The following PRKCH variants were observed in gnomAD, a reference collection of about 807,000 sequenced individuals.
The protein encoded by PRKCH is protein kinase C eta, also known as protein kinase C eta type.
In PRKCH, 28 loss-of-function variants were observed where a neutral mutation model predicts 82.5. The ratio of observed to expected loss-of-function variants is 0.34; its 90% CI spans 0.25 to 0.47. The LOEUF (loss-of-function observed/expected upper bound fraction) is 0.47, where lower values mean the gene tolerates loss of function less well. Among genes scored for constraint, PRKCH ranks in the 20% least tolerant of loss-of-function variants. The pLI, the probability that PRKCH is intolerant of heterozygous loss-of-function variation, is 1.00. For synonymous variants in PRKCH, 322 were observed against 327.4 expected, an observed-to-expected ratio of 0.98 and a Z score of 0.18; for missense variants, 705 against 881.8, an observed-to-expected ratio of 0.80 and a Z score of 2.54.
In PRKCH at chr14:61,228,091, C is replaced by A. The variant is rs183785240; in HGVS notation, c.-19+40423C>A. 2.4e-3 allele frequency among the ~76,000 whole-genome samples: 361 copies of A among 152,252 alleles called. 1 individual carries two copies. The highest frequency in any genetic ancestry group is 8.3e-3 in the African/African-American group (345 of 41,532). On this transcript the variant is annotated intron_variant, in intron 1 of 3. Coordinates refer to the PRKCH transcript ENST00000555185. ...AGGAGGACTCTTGCATTTTCTGAGTCATGGGTCAAATGTTGTCAAGTTTTT... is the reference window on the plus strand; with the variant it reads ...AGGAGGACTCTTGCATTTTCTGAGTAATGGGTCAAATGTTGTCAAGTTTTT...
chr14:61,549,752 T>C lies in PRKCH; in HGVS notation c.1973T>C (p.Ile658Thr), dbSNP rs750314061. 6.2e-7 allele frequency: 1 copy of C among 1,614,008 alleles called. No homozygotes were observed. The highest frequency in any genetic ancestry group is 8.5e-7 in the Non-Finnish European group (1 of 1,179,976). ...FIKEEPVLTPIDEGHLPMINQ... is the reference protein window; with the variant it reads ...FIKEEPVLTPTDEGHLPMINQ... The stretch of plus-strand genomic sequence containing the variant: ...AAGGAAGAGCCAGTTTTAACTCCAA[T>C]TGATGAGGGACATCTTCCAATGATT... The change falls in exon 14 of 14, where the codon ATT becomes ACT. Residue 658 changes from isoleucine (I) to threonine (T), a missense_variant. Transcript: ENST00000332981.
chr14:61,496,807 A>G (rs1886686368), intron 10 of PRKCH, among the ~76,000 whole-genome samples: 1 of 152,180 alleles, frequency 6.6e-6, no homozygotes, highest in South Asian at 2.1e-4. Flanking sequence ...GGCTGAGAAT[A>G]TATTATGATT....
intron 9 of PRKCH, 21 bp downstream of exon 9, chr14:61,457,700 C>G (rs750326104): frequency 6.2e-6 from 10 of 1,611,374 alleles, no homozygotes; most frequent in Non-Finnish European, 7.6e-6. Context: ...ATCACATTCA[C>G]TGCACCAACA....
At position 61,370,865 on chromosome 14, in the gene PRKCH, A is replaced by G. The variant is rs1057371711; in HGVS notation, c.364-20360A>G. 2.6e-5 allele frequency among the ~76,000 whole-genome samples: 4 copies of G among 152,064 alleles called. No homozygotes were observed. The South Asian group carries it at 6.2e-4, about 24-fold the overall frequency. ...TGGGTCTTCTCCAGGGGTGTGGATA[A>G]CACCAAACACTGCAGTATGGAAACT... is the stretch of plus-strand genomic sequence containing the variant. On this transcript the variant is annotated intron_variant, in intron 1 of 13. Transcript: ENST00000332981.
intron 1 of PRKCH, among the ~76,000 whole-genome samples, chr14:61,208,106 G>A (rs1222215352): frequency 3.3e-5 from 5 of 152,006 alleles, no homozygotes; most frequent in Admixed American, 3.3e-4. Flanking sequence ...TCTTTGAAAT[G>A]TTACCTGGAG....
intron 2 of PRKCH, among the ~76,000 whole-genome samples, chr14:61,394,903 T>A (rs2046749974): frequency 6.6e-6 from 1 of 152,188 alleles, no homozygotes; most frequent in Admixed American, 6.5e-5. Context: ...AGAAGCCCAG[T>A]GGTCCCTGTC....
chr14:61,280,624 GAGA>G lies in PRKCH; in HGVS notation c.-19+92959_-19+92961del, dbSNP rs2045250932. On this transcript the variant is annotated intron_variant, in intron 1 of 3. Transcript: ENST00000555185. The surrounding 1 kb of genome is among the most constrained non-coding windows in gnomAD (Gnocchi z 5.0). ...GCCGGGCTGGCGCTGGTGCCAAAGC[GAGA>G]AGGAGTCGTTGAAGAGGCTGTTGGC... 1.9e-6 allele frequency: 3 copies of G among 1,578,816 alleles called. No individual in the cohort carries two copies. Among genetic ancestry groups the G allele is most frequent in the African/African-American group, 2.7e-5 (2 of 74,202 alleles).
At chr14:61,499,511 G>T (rs1312959958) in intron 10 of PRKCH, among the ~76,000 whole-genome samples, 1 of 152,056 alleles carries the variant, frequency 6.6e-6, no homozygotes, top group Non-Finnish European at 1.5e-5. Context: ...CTCACATCTT[G>T]CTCCTCCCTT....
intron 1 of PRKCH, among the ~76,000 whole-genome samples, chr14:61,345,605 A>G (rs2045981909): frequency 6.6e-6 from 1 of 152,202 alleles, no homozygotes; most frequent in Non-Finnish European, 1.5e-5. Context: ...ATAATAGGAG[A>G]TACACAATAA....
chr14:61,498,609 G>A (rs1424524738), intron 10 of PRKCH, among the ~76,000 whole-genome samples: 2 of 152,220 alleles, frequency 1.3e-5, no homozygotes, highest in African/African-American at 4.8e-5. Context: ...GGCCAATTTG[G>A]TTCCTCATGA....
intron 1 of PRKCH, among the ~76,000 whole-genome samples, chr14:61,333,398 G>T (rs566792168): frequency 6.6e-6 from 1 of 152,118 alleles, no homozygotes; most frequent in Admixed American, 6.5e-5. Context: ...CAGTTGAAAG[G>T]GTTCAAAAAT....
intron 1 of PRKCH, among the ~76,000 whole-genome samples, chr14:61,229,180 A>C (rs2044720829): frequency 6.6e-6 from 1 of 152,206 alleles, no homozygotes; most frequent in African/African-American, 2.4e-5. Context: ...GGATGTGTTA[A>C]ATAGAATACA....
chr14:61,351,734 C>T (rs954271351), intron 1 of PRKCH, among the ~76,000 whole-genome samples: 3 of 152,116 alleles, frequency 2.0e-5, no homozygotes, highest in African/African-American at 7.2e-5. Context: ...CAAGATTAGT[C>T]AGGATAGTGA....
chr14:61,470,633 A>C (rs1266042433), intron 9 of PRKCH, among the ~76,000 whole-genome samples: 1 of 151,944 alleles, frequency 6.6e-6, no homozygotes, highest in Non-Finnish European at 1.5e-5. Flanking sequence ...TCCAATTCTT[A>C]GTTATAGCAA....
intron 2 of PRKCH, among the ~76,000 whole-genome samples, chr14:61,430,601 G>A (rs1250057584): frequency 1.3e-5 from 2 of 152,192 alleles, no homozygotes; most frequent in Non-Finnish European, 1.5e-5. Flanking sequence ...CGGGGCAGGA[G>A]AGGCCCCCCT....
chr14:61,439,443 G>A (rs56343923), intron 2 of PRKCH, among the ~76,000 whole-genome samples: 75 of 152,336 alleles, frequency 4.9e-4, no homozygotes, highest in Non-Finnish European at 9.0e-4. Flanking sequence ...GTGCATGAGT[G>A]TGTATGTTTG....
chr14:61,532,334 A>G (rs906231071), intron 12 of PRKCH, among the ~76,000 whole-genome samples: 1 of 152,222 alleles, frequency 6.6e-6, no homozygotes, highest in African/African-American at 2.4e-5. Flanking sequence ...AAGTCAGTCT[A>G]TGCCTCAATA....
At chr14:61,233,053 T>A (rs1361522026) in intron 1 of PRKCH, among the ~76,000 whole-genome samples, 1 of 152,172 alleles carries the variant, frequency 6.6e-6, no homozygotes, top group African/African-American at 2.4e-5. Flanking sequence ...ACTCAAAAGA[T>A]CCTGCCTTAT....
At chr14:61,398,806 A>G (rs1032113409) in intron 2 of PRKCH, among the ~76,000 whole-genome samples, 2 of 152,188 alleles carry the variant, frequency 1.3e-5, no homozygotes, top group Non-Finnish European at 2.9e-5. Context: ...TCTACCAAAC[A>G]TTGGAAGAAA....
Sources: gnomAD v4.1 joint callset for allele counts (sites outside exome capture counted in the v4.1 genomes callset) on GRCh38, gnomAD v4.1.1 for gene constraint, Gnocchi (gnomAD v3.1) non-coding constraint, MANE v1.5 for transcripts, NCBI Gene and HGNC (gene_info 2026-07-23, HGNC 2026-07-21) for gene names.